COG5: variants seen among roughly 807,000 people sequenced by gnomAD.
COG5 encodes conserved oligomeric Golgi complex subunit 5.
A neutral mutation model predicts 110.4 loss-of-function variants in COG5; 86 were observed. The ratio of observed to expected loss-of-function variants is 0.78; its 90% CI spans 0.65 to 0.93. The LOEUF is 0.93. Among genes scored for constraint, COG5 ranks in the 40% least tolerant of loss-of-function variants. COG5 has a pLI of 0.00. For missense variants in COG5, 1,077 were observed against 987.0 expected, an observed-to-expected ratio of 1.09 and a Z score of -1.22; for synonymous variants, 360 against 334.6, an observed-to-expected ratio of 1.08 and a Z score of -0.83.
chr7:107,309,826 A>G (rs931128646), intron 11 of COG5, among the ~76,000 whole-genome samples: 4 of 152,166 alleles, frequency 2.6e-5, no homozygotes, highest in African/African-American at 9.7e-5. Flanking sequence ...ATCTACACAA[A>G]AAGTATATTC....
intron 14 of COG5, among the ~76,000 whole-genome samples, chr7:107,274,020 T>A (rs1228285486): frequency 6.6e-6 from 1 of 152,144 alleles, no homozygotes; most frequent in African/African-American, 2.4e-5. Context: ...TTAAGTAAAT[T>A]ACCATAGCAA....
chr7:107,556,727 T>G (rs1803351809), intron 2 of COG5, among the ~76,000 whole-genome samples: 1 of 152,084 alleles, frequency 6.6e-6, no homozygotes, highest in African/African-American at 2.4e-5. Flanking sequence ...TATTTGGCTA[T>G]CCCCACAGTC....
intron 3 of COG5, among the ~76,000 whole-genome samples, chr7:107,551,257 T>C (rs1584958575): frequency 6.6e-6 from 1 of 152,182 alleles, no homozygotes; most frequent in Admixed American, 6.5e-5. Context: ...TTAGCCAGGA[T>C]GGGAGGCTAC....
At chr7:107,235,209 T>A (rs1202781957) in intron 18 of COG5, among the ~76,000 whole-genome samples, 1 of 152,198 alleles carries the variant, frequency 6.6e-6, no homozygotes, top group African/African-American at 2.4e-5. Context: ...TGACAACCAC[T>A]GACTTGATAC....
Position 107,563,546 on chromosome 7 carries a change from G to GT in COG5, c.94+256_94+257insA, listed in dbSNP as rs34924876. 7.5e-5 allele frequency: 14 copies of GT among 187,670 alleles called. 2 individuals are homozygous for GT. The highest frequency in any genetic ancestry group is 6.7e-4 in the Admixed American group (8 of 11,882). The allele number at this position is 187,670 out of a possible 1,614,324, so 11.6% of individuals were successfully genotyped here. On this transcript the variant is annotated intron_variant, in intron 1 of 21. Coordinates refer to ENST00000297135, the MANE Select transcript of COG5 (RefSeq NM_006348.5). ...AAACTTCAGGGAAGCTGGAGGCATG[G>GT]GGGGGGGGGGGGTCGAGTTGAAATG...
intron 10 of COG5, among the ~76,000 whole-genome samples, chr7:107,329,475 T>C (rs561815860): frequency 7.2e-5 from 11 of 152,278 alleles, no homozygotes; most frequent in South Asian, 4.1e-4. Context: ...ATGTATGATG[T>C]ATCCCTATAT....
chr7:107,430,522 AGTCCT>A (rs1490444314), intron 6 of COG5, among the ~76,000 whole-genome samples: 1 of 152,186 alleles, frequency 6.6e-6, no homozygotes, highest in African/African-American at 2.4e-5. Context: ...AGTATGTGTA[AGTCCT>A]CCAGCTGTGT....
At chr7:107,261,867 T>A (rs1180201740) in intron 14 of COG5, among the ~76,000 whole-genome samples, 1 of 152,030 alleles carries the variant, frequency 6.6e-6, no homozygotes, top group Admixed American at 6.6e-5. Flanking sequence ...AAGTACACAG[T>A]AGGTAGATAT....
intron 18 of COG5, among the ~76,000 whole-genome samples, chr7:107,232,471 C>G (rs1418849103): frequency 6.6e-6 from 1 of 152,168 alleles, no homozygotes; most frequent in East Asian, 1.9e-4. Flanking sequence ...GTCAATTTCT[C>G]AACTACTCTA....
At chr7:107,535,062 A>C (rs1563087771) in intron 5 of COG5, among the ~76,000 whole-genome samples, 1 of 151,684 alleles carries the variant, frequency 6.6e-6, no homozygotes, top group Non-Finnish European at 1.5e-5. Flanking sequence ...CCTGATCCTG[A>C]ATGACTACTG....
chr7:107,415,787 C>CGTAT (rs201730078), intron 6 of COG5, among the ~76,000 whole-genome samples: 1 of 132,808 alleles, frequency 7.5e-6, no homozygotes, highest in South Asian at 2.4e-4. Context: ...CACACATACA[C>CGTAT]GTATGTATGT....
At chr7:107,528,094 CTT>C (rs79007439) in intron 5 of COG5, among the ~76,000 whole-genome samples, 6 of 144,178 alleles carry the variant, frequency 4.2e-5, no homozygotes, top group Admixed American at 1.4e-4. Flanking sequence ...TTTTCCTAAT[CTT>C]TTTTTTTTTT....
intron 5 of COG5, among the ~76,000 whole-genome samples, chr7:107,541,955 T>C (rs1012121321): frequency 6.0e-5 from 9 of 149,240 alleles, no homozygotes; most frequent in Non-Finnish European, 1.2e-4. Context: ...AAAAAAACTA[T>C]AAAAACACAC....
intron 11 of COG5, among the ~76,000 whole-genome samples, chr7:107,309,802 G>T (rs1808058625): frequency 6.6e-6 from 1 of 151,176 alleles, no homozygotes; most frequent in Non-Finnish European, 1.5e-5. Context: ...ATACTTATAT[G>T]GCTTCAAACT....
chr7:107,350,404 A>G (rs979477579), intron 10 of COG5, among the ~76,000 whole-genome samples: 3 of 152,098 alleles, frequency 2.0e-5, no homozygotes, highest in African/African-American at 7.2e-5. Flanking sequence ...TCATTTTCAT[A>G]TCTACCTAGT....
intron 7 of COG5, among the ~76,000 whole-genome samples, chr7:107,398,260 A>T (rs1467180705): frequency 1.3e-5 from 2 of 152,234 alleles, no homozygotes; most frequent in African/African-American, 4.8e-5. Context: ...ATAGAACTGA[A>T]TATTATTCAT....
intron 6 of COG5, chr7:107,472,643 C>T (rs1235430863): frequency 2.0e-5 from 3 of 151,832 alleles, no homozygotes; most frequent in South Asian, 4.2e-4. Context: ...TTAACTTACT[C>T]GAATAAATAT....
intron 11 of COG5, among the ~76,000 whole-genome samples, chr7:107,304,744 G>A (rs1260229889): frequency 2.0e-5 from 3 of 152,158 alleles, no homozygotes; most frequent in East Asian, 3.9e-4. Context: ...TCCTGTCTAG[G>A]AAACTGGCTG....
rs193027741 is a variant in COG5 at position 107,305,331 on chromosome 7, C to T, written c.1109-6985G>A. On this transcript the variant is annotated intron_variant, in intron 11 of 21. Transcript: ENST00000297135. ...TGAGCAGGCTGCTACCCATTTCTTG[C>T]TCATTCCTTTTCCTAACTGGCCCAG... 1.6e-3 allele frequency among the ~76,000 whole-genome samples: 240 copies of T among 152,260 alleles called. 1 individual carries two copies. Among genetic ancestry groups the T allele is most frequent in the Non-Finnish European group, 2.6e-3 (177 of 68,020 alleles).
Sources: allele counts gnomAD v4.1 joint callset (sites outside exome capture counted in the v4.1 genomes callset), GRCh38; gene constraint gnomAD v4.1.1; transcripts MANE v1.5; gene names NCBI Gene and HGNC (gene_info 2026-07-23, HGNC 2026-07-21).